SPRED3: variants seen among roughly 807,000 people sequenced by gnomAD.
The protein encoded by SPRED3 is sprouty-related, EVH1 domain-containing protein 3.
Under a neutral mutation model 37.6 loss-of-function variants are expected in SPRED3, and 23 were observed. That is an observed-to-expected ratio of 0.61 (90% CI 0.44 to 0.87). SPRED3 has a LOEUF of 0.87. Among genes scored for constraint, SPRED3 ranks in the 40% least tolerant of loss-of-function variants. SPRED3 has a pLI of 0.00. For missense variants in SPRED3, 584 were observed against 618.6 expected (o/e 0.94, Z 0.59); for synonymous variants, 302 against 279.6 (o/e 1.08, Z -0.80).
rs548974071 is a variant in SPRED3 at position 38,396,915 on chromosome 19, A to C, written c.*770A>C. 5 of 152,154 alleles carry C rather than the reference A, an allele frequency of 3.3e-5. No homozygotes were observed. The East Asian group carries it at 5.8e-4, about 18-fold the overall frequency. The allele number at this position is 152,154 out of a possible 1,614,324, so 9.4% of individuals were successfully genotyped here. ...TAAGATGCACTGAGTGCTCGGATAT[A>C]CTGAAACACGAGCTGTTCTCTTACC... is the stretch of plus-strand genomic sequence containing the variant. On this transcript the variant is annotated 3_prime_UTR_variant, in exon 6 of 6. Coordinates refer to ENST00000691638, the MANE Select transcript of SPRED3 (RefSeq NM_001394336.1).
In SPRED3 at chr19:38,396,200, G is replaced by A. The variant is rs538248708; in HGVS notation, c.*55G>A. On this transcript the variant is annotated 3_prime_UTR_variant, in exon 6 of 6. Transcript: ENST00000691638. Reference sequence around the variant, plus strand: ...CGAGGACCCAAAATTGAGGGTCCAGGACCCCGGACTCCGTTCGGACCTAAA... The same window carrying A: ...CGAGGACCCAAAATTGAGGGTCCAGAACCCCGGACTCCGTTCGGACCTAAA... 1 of 1,194,918 alleles carries A rather than the reference G, an allele frequency of 8.4e-7. No individual in the cohort carries two copies. The highest frequency in any genetic ancestry group is 1.0e-6 in the Non-Finnish European group (1 of 957,278). The allele number at this position is 1,194,918 out of a possible 1,614,324, so 74.0% of individuals were successfully genotyped here. A position where few individuals can be genotyped will look rare whatever the true frequency, so the allele number is the denominator to read the frequency against.
Position 38,395,499 on chromosome 19 carries a change from C to A in SPRED3, c.587C>A (p.Pro196Gln), listed in dbSNP as rs1970882954. The change falls in exon 6 of 6, where the codon CCG becomes CAG. Residue 196 changes from proline to glutamine, a missense_variant. By Grantham distance (76) the Pro-to-Gln change is moderately conservative. Transcript: ENST00000691638. This position sits in a 1 kb window ranked among gnomAD's most constrained non-coding sequence, Gnocchi z 5.2. ...CCGCAGAGCTACCCTCCGCTTCTAC[C>A]GTTCACGGGGATTCCGGAACCCTCA... ...SSAQSYPPLLPFTGIPEPSEP... is the reference protein window; with the variant it reads ...SSAQSYPPLLQFTGIPEPSEP... 4 of 1,509,856 alleles carry A rather than the reference C, an allele frequency of 2.6e-6. No individual in the cohort carries two copies. Among genetic ancestry groups the A allele is most frequent in the East Asian group, 5.3e-5 (2 of 37,612 alleles). 93.5% of individuals were successfully genotyped at this position (1,509,856 alleles called of 1,614,324 possible). A position where few individuals can be genotyped will look rare whatever the true frequency, so the allele number is the denominator to read the frequency against.
chr19:38,394,574 G>A, intron 4 of SPRED3, 69 bp from the exon 5 acceptor site: 1 of 1,550,126 alleles, frequency 6.5e-7, no homozygotes, highest in Non-Finnish European at 8.7e-7. Flanking sequence ...CTCAATGGGA[G>A]GGGGTCTATG....
chr19:38,395,411 G>A lies in SPRED3; in HGVS notation c.568-69G>A, dbSNP rs73044919. The A allele has an allele frequency of 0.03, 40,569 of 1,334,308 alleles. 696 individuals are homozygous for A. The highest frequency in any genetic ancestry group is 0.047 in the South Asian group (2,655 of 56,494). The allele number at this position is 1,334,308 out of a possible 1,614,324, so 82.7% of individuals were successfully genotyped here. On this transcript the variant is annotated intron_variant, in intron 5 of 5. Transcript: ENST00000691638. This position sits in a 1 kb window ranked among gnomAD's most constrained non-coding sequence, Gnocchi z 5.2. ...ATCTGAATCCCAGACCCAAGAGTGC[G>A]CTAGGGAACTGGATCCTTGAGGCTA...
At chr19:38,391,440 T>G (rs1014652445) in intron 2 of SPRED3, among the ~76,000 whole-genome samples, 1 of 152,074 alleles carries the variant, frequency 6.6e-6, no homozygotes, top group Non-Finnish European at 1.5e-5. Context: ...TGGGAAGTAT[T>G]GTTGAGCCAG....
chr19:38,395,701 C>T lies in SPRED3; in HGVS notation c.789C>T (p.Thr263=), dbSNP rs763473099. Residue 263 remains threonine, a synonymous_variant, in exon 6 of 6, where the codon ACC becomes ACT. Transcript: ENST00000691638. The surrounding 1 kb of genome is among the most constrained non-coding windows in gnomAD (Gnocchi z 5.2). ...GPPAALPAPL[T]EAAPPAPPAR... is the part of the protein sequence containing the mutation. ...CAGCGGCACTACCTGCCCCTTTGAC[C>T]GAGGCTGCGCCCCCAGCGCCCCCCG... The T allele has an allele frequency of 1.4e-6, 2 of 1,467,796 alleles. No homozygotes were observed. Among genetic ancestry groups the T allele is most frequent in the South Asian group, 1.3e-5 (1 of 74,760 alleles). The allele number at this position is 1,467,796 out of a possible 1,614,324, so 90.9% of individuals were successfully genotyped here. A position where few individuals can be genotyped will look rare whatever the true frequency, so the allele number is the denominator to read the frequency against.
rs751431665 is a variant in SPRED3, at chr19:38,392,247, T to C, written c.382T>C (p.Ser128Pro). Reference sequence around the variant, plus strand: ...CCCCTCCTCCTCCTCCTCCTCCTCCTCTCCTTCCCAGGATACTGCAGAGAC... The same window carrying C: ...CCCCTCCTCCTCCTCCTCCTCCTCCCCTCCTTCCCAGGATACTGCAGAGAC... ...LTPSSSSSSS[S>P]PSQDTAETPC... is the part of the protein sequence containing the mutation. Residue 128 changes from serine (S) to proline (P), a missense_variant, in exon 4 of 6, where the codon TCT (serine) becomes CCT (proline). Ser to Pro is a moderately conservative substitution (Grantham distance 74). Coordinates refer to ENST00000691638, the MANE Select transcript of SPRED3 (RefSeq NM_001394336.1). The C allele has an allele frequency of 6.3e-7, 1 of 1,592,332 alleles. No homozygotes were observed. The highest frequency in any genetic ancestry group is 8.6e-7 in the Non-Finnish European group (1 of 1,169,308).
At position 38,396,068 on chromosome 19, in the gene SPRED3, CT is replaced by C; in HGVS notation, c.1157del (p.Leu386ArgfsTer41). 1 of 1,348,756 alleles carries C rather than the reference CT, an allele frequency of 7.4e-7. No individual in the cohort carries two copies. The highest frequency in any genetic ancestry group is 9.5e-7 in the Non-Finnish European group (1 of 1,055,478). 83.5% of individuals were successfully genotyped at this position (1,348,756 alleles called of 1,614,324 possible). A position where few individuals can be genotyped will look rare whatever the true frequency, so the allele number is the denominator to read the frequency against. On this transcript the variant is annotated frameshift_variant, in exon 6 of 6. Coordinates refer to ENST00000691638, the MANE Select transcript of SPRED3 (RefSeq NM_001394336.1). LOFTEE classifies it high-confidence loss of function. ...GCCCTGCCTCTGCTGCTACGCGCCCCTGCGCGCGTGCCACTGGGTCGCAGCG... is the reference window on the plus strand; with the variant it reads ...GCCCTGCCTCTGCTGCTACGCGCCCCGCGCGCGTGCCACTGGGTCGCAGCG... ...AVPCLCCYAP[L>X]RACHWVAARC...
At chr19:38,393,854 AC>A in intron 4 of SPRED3, among the ~76,000 whole-genome samples, 1 of 152,330 alleles carries the variant, frequency 6.6e-6, no homozygotes, top group East Asian at 1.9e-4. Flanking sequence ...TGCCTAAAAC[AC>A]CTGGAGGAAC....
In SPRED3 at chr19:38,395,109, G is replaced by A. The variant is rs1443698438; in HGVS notation, c.567+323G>A. 6.6e-6 allele frequency among the ~76,000 whole-genome samples: 1 copy of A among 152,182 alleles called. No homozygotes were observed. Among genetic ancestry groups the A allele is most frequent in the Non-Finnish European group, 1.5e-5 (1 of 68,032 alleles). On this transcript the variant is annotated intron_variant, in intron 5 of 5. Coordinates refer to ENST00000691638, the MANE Select transcript of SPRED3 (RefSeq NM_001394336.1). The surrounding 1 kb of genome is among the most constrained non-coding windows in gnomAD (Gnocchi z 5.2). ...TGGAAGAGGACTGTTAAATTCACGG[G>A]GAGGGTGGGAGAGTCGGTACCCAGA...
chr19:38,390,765 C>T (rs1022742880), intron 2 of SPRED3, among the ~76,000 whole-genome samples: 12 of 45,968 alleles, frequency 2.6e-4, no homozygotes, highest in African/African-American at 7.9e-4. Flanking sequence ...GGGGGCACTG[C>T]CCCCCCCCCC....
intron 4 of SPRED3, among the ~76,000 whole-genome samples, chr19:38,393,157 T>C (rs61162240): frequency 0.18 from 27,048 of 152,054 alleles, 3,049 homozygotes; most frequent in East Asian, 0.53. Context: ...CAGATTTCCT[T>C]GTGGCTCATT....
Position 38,396,080 on chromosome 19 carries a change from C to A in SPRED3, c.1168C>A (p.His390Asn). 1 of 1,332,812 alleles carries A rather than the reference C, an allele frequency of 7.5e-7. No homozygotes were observed. The highest frequency in any genetic ancestry group is 9.6e-7 in the Non-Finnish European group (1 of 1,045,166). 82.6% of individuals were successfully genotyped at this position (1,332,812 alleles called of 1,614,324 possible). ...LCCYAPLRACHWVAARCGCAG... is the reference protein window; with the variant it reads ...LCCYAPLRACNWVAARCGCAG... ...CTGCTACGCGCCCCTGCGCGCGTGCCACTGGGTCGCAGCGCGATGCGGCTG... is the reference window on the plus strand; with the variant it reads ...CTGCTACGCGCCCCTGCGCGCGTGCAACTGGGTCGCAGCGCGATGCGGCTG... Residue 390 changes from histidine to asparagine, a missense_variant, in exon 6 of 6, where the codon CAC (histidine) becomes AAC (asparagine). Around this residue, in one of 7 missense-constraint regions of SPRED3, gnomAD observed 85 missense variants for 117.8 expected, o/e 0.72. Transcript: ENST00000691638.
Position 38,398,580 on chromosome 19 carries a change from C to A in SPRED3, c.*2435C>A, listed in dbSNP as rs1225013207. 11 of 152,168 alleles carry A rather than the reference C, an allele frequency of 7.2e-5. No individual in the cohort carries two copies. Among genetic ancestry groups the A allele is most frequent in the Admixed American group, 7.2e-4 (11 of 15,270 alleles). 9.4% of individuals were successfully genotyped at this position (152,168 alleles called of 1,614,324 possible). A position where few individuals can be genotyped will look rare whatever the true frequency, so the allele number is the denominator to read the frequency against. ...GAAGTTGCTTCAGGAAGTTTGAAAG[C>A]CTGTTTCATGGCCCACTGAGTCTCT... On this transcript the variant is annotated 3_prime_UTR_variant, in exon 6 of 6. Transcript: ENST00000691638.
Position 38,396,377 on chromosome 19 carries a change from G to T in SPRED3, c.*232G>T. On this transcript the variant is annotated 3_prime_UTR_variant, in exon 6 of 6. Coordinates refer to ENST00000691638, the MANE Select transcript of SPRED3 (RefSeq NM_001394336.1). ...AGAAGTCCCAGGCGTCCTGAGTTCTGGCGTTCCCCCACCCCCACACCCCAC... is the reference window on the plus strand; with the variant it reads ...AGAAGTCCCAGGCGTCCTGAGTTCTTGCGTTCCCCCACCCCCACACCCCAC... 3.0e-6 allele frequency: 1 copy of T among 331,668 alleles called. No homozygotes were observed. The highest frequency in any genetic ancestry group is 2.2e-5 in the African/African-American group (1 of 46,392). 20.5% of individuals were successfully genotyped at this position (331,668 alleles called of 1,614,324 possible). A position where few individuals can be genotyped will look rare whatever the true frequency, so the allele number is the denominator to read the frequency against.
At chr19:38,392,158 G>T in intron 3 of SPRED3, 44 bp downstream of exon 3, 8 of 1,608,314 alleles carry the variant, frequency 5.0e-6, no homozygotes, top group Non-Finnish European at 6.0e-6. Flanking sequence ...GCCTGGGAGC[G>T]GGAGGAGAAG....
chr19:38,396,300 C>A lies in SPRED3; in HGVS notation c.*155C>A. 1 of 501,914 alleles carries A rather than the reference C, an allele frequency of 2.0e-6. No individual in the cohort carries two copies. The highest frequency in any genetic ancestry group is 3.0e-6 in the Non-Finnish European group (1 of 332,078). The allele number at this position is 501,914 out of a possible 1,614,324, so 31.1% of individuals were successfully genotyped here. A position where few individuals can be genotyped will look rare whatever the true frequency, so the allele number is the denominator to read the frequency against. ...GATCTCAGACCTGGAACCTGGAACC[C>A]AAACCTAGGACTGAGAGACCCCAGC... On this transcript the variant is annotated 3_prime_UTR_variant, in exon 6 of 6. Transcript: ENST00000691638.
chr19:38,394,594 C>T (rs768924903), intron 4 of SPRED3, 49 bp from the exon 5 acceptor site: 3 of 1,557,508 alleles, frequency 1.9e-6, no homozygotes, highest in Admixed American at 1.9e-5. Flanking sequence ...GTGAGGGCAT[C>T]GGCTGTGCGG....
rs1384405076 is a variant in SPRED3 at position 38,395,818 on chromosome 19, G to C, written c.906G>C (p.Ala302=). 1.4e-6 allele frequency: 2 copies of C among 1,461,138 alleles called. No individual in the cohort carries two copies. The highest frequency in any genetic ancestry group is 1.8e-6 in the Non-Finnish European group (2 of 1,114,816). 90.5% of individuals were successfully genotyped at this position (1,461,138 alleles called of 1,614,324 possible). Reference sequence around the variant, plus strand: ...CAGCGCGCTGCGTGCATTGCCGCGCGCTCTTCCGTCGCAGAGCAGACGGGC... The same window carrying C: ...CAGCGCGCTGCGTGCATTGCCGCGCCCTCTTCCGTCGCAGAGCAGACGGGC... ...EEAARCVHCR[A]LFRRRADGRG... The change falls in exon 6 of 6, where the codon GCG becomes GCC. Residue 302 remains alanine (A), a synonymous_variant. Coordinates refer to ENST00000691638, the MANE Select transcript of SPRED3 (RefSeq NM_001394336.1). The surrounding 1 kb of genome is among the most constrained non-coding windows in gnomAD (Gnocchi z 5.2).
Sources: gnomAD v4.1 joint callset for allele counts (sites outside exome capture counted in the v4.1 genomes callset) on GRCh38, gnomAD v4.1.1 for gene constraint, gnomAD v4.1.1 regional missense constraint, Gnocchi (gnomAD v3.1) non-coding constraint, MANE v1.5 for transcripts, NCBI Gene and HGNC (gene_info 2026-07-23, HGNC 2026-07-21) for gene names.